Variants in SUMF1 observed in about 807,000 individuals in gnomAD.
SUMF1 encodes formylglycine-generating enzyme.
A neutral mutation model predicts 47.6 loss-of-function variants in SUMF1; 48 were observed. The ratio of observed to expected loss-of-function variants is 1.01; its 90% CI spans 0.80 to 1.28. The LOEUF is 1.28. SUMF1 is among the 50% of genes most tolerant of loss of function. SUMF1 has a pLI of 0.00. For missense variants in SUMF1, 571 were observed against 485.4 expected, an observed-to-expected ratio of 1.18 and a Z score of -1.66; for synonymous variants, 230 against 192.1, an observed-to-expected ratio of 1.20 and a Z score of -1.63.
intron 1 of SUMF1, among the ~76,000 whole-genome samples, chr3:4,457,564 A>G (rs2079697018): frequency 6.6e-6 from 1 of 152,218 alleles, no homozygotes; most frequent in Non-Finnish European, 1.5e-5. Flanking sequence ...ATGGAACAGG[A>G]TAGAGAGTCC....
intron 3 of SUMF1, among the ~76,000 whole-genome samples, chr3:4,444,465 G>GA (rs1702712405): frequency 6.6e-6 from 1 of 152,166 alleles, no homozygotes; most frequent in African/African-American, 2.4e-5. Flanking sequence ...CAATAATACA[G>GA]AAATAGTACA....
At chr3:4,042,770 C>A (rs1192575267) in intron 9 of SUMF1, among the ~76,000 whole-genome samples, 2 of 152,004 alleles carry the variant, frequency 1.3e-5, no homozygotes, top group African/African-American at 4.8e-5. Flanking sequence ...ACAATAACAA[C>A]CCCAGGAAAT....
chr3:4,341,855 G>GT (rs1267950937), intron 8 of SUMF1, among the ~76,000 whole-genome samples: 2 of 152,108 alleles, frequency 1.3e-5, no homozygotes, highest in Non-Finnish European at 2.9e-5. Flanking sequence ...GTGTGTGTGT[G>GT]TTTTTTAACT....
chr3:4,455,481 C>T (rs998212602), intron 1 of SUMF1, among the ~76,000 whole-genome samples: 3 of 152,200 alleles, frequency 2.0e-5, no homozygotes, highest in Admixed American at 1.3e-4. Flanking sequence ...TTTGGGAGGC[C>T]GAGGCAGGTG....
At chr3:4,138,486 A>T (rs1183979121) in intron 8 of SUMF1, among the ~76,000 whole-genome samples, 2 of 152,106 alleles carry the variant, frequency 1.3e-5, no homozygotes, top group Admixed American at 6.6e-5. Flanking sequence ...TATTAGCCTG[A>T]CCTTCCAGAA....
At chr3:4,223,587 C>T (rs1457767732) in intron 8 of SUMF1, among the ~76,000 whole-genome samples, 1 of 152,134 alleles carries the variant, frequency 6.6e-6, no homozygotes, top group Non-Finnish European at 1.5e-5. Context: ...AGCTGCTTTA[C>T]TCAGGTTGCT....
At chr3:4,082,689 T>G (rs1456303918) in intron 8 of SUMF1, among the ~76,000 whole-genome samples, 3 of 152,068 alleles carry the variant, frequency 2.0e-5, no homozygotes, top group African/African-American at 7.2e-5. Context: ...TACCCATATT[T>G]TAATTGTGCA....
chr3:4,342,927 T>G (rs17040400), intron 8 of SUMF1, among the ~76,000 whole-genome samples: 4,187 of 152,278 alleles, frequency 0.027, 171 homozygotes, highest in African/African-American at 0.092. Flanking sequence ...ATTCAAGTCC[T>G]CATTTTACAG....
chr3:4,250,508 A>G (rs1696777483), intron 8 of SUMF1, among the ~76,000 whole-genome samples: 1 of 152,166 alleles, frequency 6.6e-6, no homozygotes, highest in Non-Finnish European at 1.5e-5. Flanking sequence ...AGGTAGCGAC[A>G]CTGAACAACA....
intron 9 of SUMF1, among the ~76,000 whole-genome samples, chr3:4,056,844 C>A (rs1247556802): frequency 6.6e-6 from 1 of 152,072 alleles, no homozygotes. Flanking sequence ...CAGGTTCACG[C>A]CATTCTCCTG....
chr3:4,452,740 T>C, intron 2 of SUMF1, 136 bp downstream of exon 2: 1 of 1,088,062 alleles, frequency 9.2e-7, no homozygotes, highest in Non-Finnish European at 1.4e-6. Context: ...TAAGATGAAA[T>C]ATATACAATA....
intron 7 of SUMF1, among the ~76,000 whole-genome samples, chr3:4,410,162 T>C (rs901981347): frequency 2.0e-5 from 3 of 152,222 alleles, no homozygotes; most frequent in Non-Finnish European, 4.4e-5. Flanking sequence ...GATGTTCTTT[T>C]TAAAGGAAGC....
At chr3:4,077,357 G>A (rs1220666568) in intron 8 of SUMF1, among the ~76,000 whole-genome samples, 5 of 152,028 alleles carry the variant, frequency 3.3e-5, no homozygotes, top group Non-Finnish European at 5.9e-5. Flanking sequence ...ACATGCACAC[G>A]TATGTTTATT....
chr3:4,440,133 G>A lies in SUMF1; in HGVS notation c.519+9133C>T, dbSNP rs189323333. Reference sequence around the variant, plus strand: ...AGCCTATAATCCCAGCTACTTGGGAGGCTGAGGCAGGAGAATCACTTGAAC... The same window carrying A: ...AGCCTATAATCCCAGCTACTTGGGAAGCTGAGGCAGGAGAATCACTTGAAC... On this transcript the variant is annotated intron_variant, in intron 3 of 8. Coordinates refer to ENST00000272902, the MANE Select transcript of SUMF1 (RefSeq NM_182760.4). 9.0e-3 allele frequency among the ~76,000 whole-genome samples: 1,364 copies of A among 151,806 alleles called. 20 individuals carry two copies. The highest frequency in any genetic ancestry group is 0.031 in the African/African-American group (1,282 of 41,390).
intron 8 of SUMF1, among the ~76,000 whole-genome samples, chr3:4,234,126 T>C (rs1389761263): frequency 6.6e-6 from 1 of 152,120 alleles, no homozygotes; most frequent in African/African-American, 2.4e-5. Flanking sequence ...TTACCCATAG[T>C]TACAGATAGT....
At chr3:4,258,023 A>G (rs1285555484) in intron 8 of SUMF1, among the ~76,000 whole-genome samples, 1 of 152,006 alleles carries the variant, frequency 6.6e-6, no homozygotes, top group East Asian at 1.9e-4. Context: ...AGGATTCCCT[A>G]TTTAATAAAT....
chr3:4,072,539 C>T (rs898657095), intron 8 of SUMF1, among the ~76,000 whole-genome samples: 2 of 152,072 alleles, frequency 1.3e-5, no homozygotes, highest in Non-Finnish European at 2.9e-5. Context: ...CTTATCAGAG[C>T]TAAAGGAGCA....
chr3:4,381,785 C>T (rs750662743), intron 7 of SUMF1, among the ~76,000 whole-genome samples: 2 of 152,192 alleles, frequency 1.3e-5, no homozygotes, highest in Non-Finnish European at 2.9e-5. Context: ...TGGCTCATGC[C>T]TGTAATCCCA....
intron 7 of SUMF1, among the ~76,000 whole-genome samples, chr3:4,400,021 G>C (rs537603803): frequency 1.4e-4 from 22 of 152,178 alleles, no homozygotes; most frequent in Non-Finnish European, 2.5e-4. Flanking sequence ...TTACAGGCGT[G>C]AGCCACTGCA....
Sources: allele counts gnomAD v4.1 joint callset (sites outside exome capture counted in the v4.1 genomes callset), GRCh38; gene constraint gnomAD v4.1.1; transcripts MANE v1.5; gene names NCBI Gene and HGNC (gene_info 2026-07-23, HGNC 2026-07-21).